COP1: variants seen among roughly 807,000 people sequenced by gnomAD.
COP1 encodes COP1 E3 ubiquitin ligase, also known as E3 ubiquitin-protein ligase COP1.
Under a neutral mutation model 101.3 loss-of-function variants are expected in COP1, and 24 were observed. The observed-to-expected ratio is 0.24, with a 90% CI of 0.17 to 0.33. The LOEUF (loss-of-function observed/expected upper bound fraction) is 0.33. COP1 is among the 10% of genes least tolerant of loss of function. COP1 has a pLI of 1.00. For synonymous variants in COP1, 347 were observed against 341.9 expected (o/e 1.01, Z -0.17); for missense variants, 663 against 906.2 (o/e 0.73, Z 3.45).
chr1:176,032,603 A>C (rs911118263), intron 14 of COP1, among the ~76,000 whole-genome samples: 1 of 152,060 alleles, frequency 6.6e-6, no homozygotes, highest in African/African-American at 2.4e-5. Flanking sequence ...TTCCAAGCTC[A>C]CTCAACATGA....
At chr1:176,047,127 C>A (rs560572759) in intron 11 of COP1, among the ~76,000 whole-genome samples, 93 of 152,202 alleles carry the variant, frequency 6.1e-4, no homozygotes, top group African/African-American at 2.1e-3. Flanking sequence ...ATCTAATTAG[C>A]CCAAAGGTAG....
At chr1:176,078,911 C>G (rs1678588259) in intron 11 of COP1, among the ~76,000 whole-genome samples, 1 of 152,022 alleles carries the variant, frequency 6.6e-6, no homozygotes, top group Admixed American at 6.6e-5. Flanking sequence ...CACTAATCAT[C>G]AGAGAAATAA....
rs1380527723 is a variant in COP1 at position 176,133,860 on chromosome 1, C to T, written c.968+1150G>A. The T allele has an allele frequency of 8.8e-6, 4 of 454,772 alleles. No homozygotes were observed. The East Asian group carries it at 2.8e-4, about 32-fold the overall frequency. 28.2% of individuals were successfully genotyped at this position (454,772 alleles called of 1,614,324 possible). A position where few individuals can be genotyped will look rare whatever the true frequency, so the allele number is the denominator to read the frequency against. The stretch of plus-strand genomic sequence containing the variant: ...GTATGTACTTACATAATAAGTATTC[C>T]ATTGACAAAGATCCTGTGCATATCA... On this transcript the variant is annotated intron_variant, in intron 8 of 19. Coordinates refer to ENST00000367669, the MANE Select transcript of COP1 (RefSeq NM_022457.7).
Position 176,158,143 on chromosome 1 carries a change from C to T in COP1, c.762+4726G>A, listed in dbSNP as rs573085024. Reference sequence around the variant, plus strand: ...AGGCACATCATAATCAAAACACTTACACCCATAAAAAGAGTATCTTAAACT... The same window carrying T: ...AGGCACATCATAATCAAAACACTTATACCCATAAAAAGAGTATCTTAAACT... On this transcript the variant is annotated intron_variant, in intron 5 of 19. Coordinates refer to ENST00000367669, the MANE Select transcript of COP1 (RefSeq NM_022457.7). 8.6e-5 allele frequency among the ~76,000 whole-genome samples: 13 copies of T among 151,762 alleles called. No homozygotes were observed. The South Asian group carries it at 2.5e-3, about 29-fold the overall frequency.
At chr1:176,077,944 G>A (rs1678359389) in intron 11 of COP1, among the ~76,000 whole-genome samples, 1 of 151,842 alleles carries the variant, frequency 6.6e-6, no homozygotes, top group African/African-American at 2.4e-5. Flanking sequence ...TAAGCAAGGA[G>A]GTGAAAAATC....
chr1:175,958,222 GAACA>G (rs1366108215), intron 18 of COP1, among the ~76,000 whole-genome samples: 1 of 151,906 alleles, frequency 6.6e-6, no homozygotes, highest in Non-Finnish European at 1.5e-5. Context: ...AAACACACAA[GAACA>G]AATACGTATT....
At chr1:176,021,107 A>C (rs1666691762) in intron 15 of COP1, among the ~76,000 whole-genome samples, 2 of 152,156 alleles carry the variant, frequency 1.3e-5, no homozygotes, top group Non-Finnish European at 2.9e-5. Flanking sequence ...TCAACCTCCC[A>C]AAGTGTTGGG....
chr1:176,057,864 C>T (rs1249560396), intron 11 of COP1, among the ~76,000 whole-genome samples: 2 of 151,148 alleles, frequency 1.3e-5, no homozygotes, highest in Non-Finnish European at 1.5e-5. Context: ...GCCTCTTCCC[C>T]GCCGCCATCC....
At chr1:176,004,259 G>A (rs1181945560) in intron 15 of COP1, among the ~76,000 whole-genome samples, 18 of 146,872 alleles carry the variant, frequency 1.2e-4, no homozygotes, top group South Asian at 2.2e-4. Context: ...GGGCTGAGAC[G>A]ATGGGGTTTT....
chr1:176,015,506 G>T (rs1338225634), intron 15 of COP1, among the ~76,000 whole-genome samples: 3 of 151,992 alleles, frequency 2.0e-5, no homozygotes, highest in African/African-American at 7.3e-5. Flanking sequence ...TTTAAAAAGG[G>T]AAAACTTGAT....
At chr1:176,130,135 TA>T (rs534124322) in intron 8 of COP1, among the ~76,000 whole-genome samples, 3 of 151,030 alleles carry the variant, frequency 2.0e-5, no homozygotes, top group African/African-American at 4.8e-5. Flanking sequence ...TGTTTCAATA[TA>T]AAAAAAAATC....
At chr1:176,099,619 T>C (rs551405477) in intron 9 of COP1, among the ~76,000 whole-genome samples, 24 of 152,138 alleles carry the variant, frequency 1.6e-4, no homozygotes, top group African/African-American at 5.8e-4. Flanking sequence ...ATCAGTGCAA[T>C]AAGAATCCAT....
intron 15 of COP1, among the ~76,000 whole-genome samples, chr1:176,019,827 T>C (rs4298689): frequency 0.94 from 142,945 of 152,132 alleles, 67,598 homozygotes; most frequent in East Asian, 1. Context: ...CACCACTGCA[T>C]TGCAGCCTGG....
At chr1:175,957,121 G>A (rs919691161) in intron 18 of COP1, among the ~76,000 whole-genome samples, 1 of 151,756 alleles carries the variant, frequency 6.6e-6, no homozygotes, top group Non-Finnish European at 1.5e-5. Flanking sequence ...GTAAACTATA[G>A]TTAATTTATT....
At chr1:176,033,781 T>C (rs892444870) in intron 14 of COP1, among the ~76,000 whole-genome samples, 5 of 152,188 alleles carry the variant, frequency 3.3e-5, no homozygotes, top group African/African-American at 9.6e-5. Context: ...ACTCAGTTTT[T>C]ATTTAAGCAA....
intron 2 of COP1, among the ~76,000 whole-genome samples, chr1:176,183,446 C>T (rs1385206211): frequency 6.6e-6 from 1 of 152,142 alleles, no homozygotes; most frequent in Non-Finnish European, 1.5e-5. Flanking sequence ...AAACCAACAA[C>T]AGAAAATAAG....
intron 15 of COP1, among the ~76,000 whole-genome samples, chr1:176,013,618 A>G (rs1253250943): frequency 6.6e-6 from 1 of 152,194 alleles, no homozygotes; most frequent in Non-Finnish European, 1.5e-5. Flanking sequence ...AAGACTACAA[A>G]TGTATTTCAA....
chr1:176,199,670 C>T (rs2102252869), intron 1 of COP1, among the ~76,000 whole-genome samples: 1 of 152,242 alleles, frequency 6.6e-6, no homozygotes, highest in South Asian at 2.1e-4. Flanking sequence ...AAACCAGACA[C>T]AAAAGACTAC....
At chr1:176,177,349 T>TAAAAAAAAAAAAAAAA (rs575380846) in intron 2 of COP1, among the ~76,000 whole-genome samples, 1 of 132,622 alleles carries the variant, frequency 7.5e-6, no homozygotes. Context: ...AAAAAAATAT[T>TAAAAAAAAAAAAAAAA]AAAAAAAAAA....
Sources: allele counts gnomAD v4.1 joint callset (sites outside exome capture counted in the v4.1 genomes callset), GRCh38; gene constraint gnomAD v4.1.1; transcripts MANE v1.5; gene names NCBI Gene and HGNC (gene_info 2026-07-23, HGNC 2026-07-21).